MPRIP: variants seen among roughly 807,000 people sequenced by gnomAD.
The protein encoded by MPRIP is myosin phosphatase Rho-interacting protein.
MPRIP carries 59 observed loss-of-function variants against 234.9 expected under a neutral mutation model. That is an observed-to-expected ratio of 0.25 (90% CI 0.20 to 0.31). The LOEUF is 0.31. MPRIP is among the 10% of genes least tolerant of loss of function. The probability of loss-of-function intolerance (pLI) is 1.00; values close to 1 mark genes in which losing one functional copy is unlikely to be tolerated. For synonymous variants in MPRIP, 1,144 were observed against 1,263.9 expected (o/e 0.91, Z 2.01); for missense variants, 2,436 against 3,071.0 (o/e 0.79, Z 4.89).
In MPRIP at chr17:17,158,926, C is replaced by G; in HGVS notation, c.2324C>G (p.Ala775Gly). ...CGGGAAGAGAAGCAGGTGCCCATCGCCCCCGTCCACCTGTCTTCTGAAGAT... is the reference window on the plus strand; with the variant it reads ...CGGGAAGAGAAGCAGGTGCCCATCGGCCCCGTCCACCTGTCTTCTGAAGAT... ...PLREEKQVPI[A>G]PVHLSSEDGG... The change falls in exon 14 of 24, where the codon GCC becomes GGC. Residue 775 changes from alanine to glycine, a missense_variant. Physicochemically the swap from Ala to Gly is moderately conservative, Grantham distance 60 (BLOSUM62 0). Around this residue, in one of 4 missense-constraint regions of MPRIP, gnomAD observed 1,998 missense variants for 2,520.3 expected, o/e 0.79. Transcript: ENST00000651222. 6.2e-7 allele frequency: 1 copy of G among 1,612,718 alleles called. No homozygotes were observed. Among genetic ancestry groups the G allele is most frequent in the Non-Finnish European group, 8.5e-7 (1 of 1,179,952 alleles).
chr17:17,086,844 G>A (rs758160169), intron 3 of MPRIP, among the ~76,000 whole-genome samples: 5 of 152,134 alleles, frequency 3.3e-5, no homozygotes, highest in African/African-American at 9.7e-5. Context: ...CTGTACCTCC[G>A]TGGGAGCTTC....
chr17:17,045,849 A>G (rs1252843758), intron 1 of MPRIP, among the ~76,000 whole-genome samples: 1 of 142,848 alleles, frequency 7.0e-6, no homozygotes, highest in Non-Finnish European at 1.5e-5. Context: ...TCTGTTGCCC[A>G]GGCTGGTGTG....
intron 1 of MPRIP, among the ~76,000 whole-genome samples, chr17:17,056,880 T>C (rs763346492): frequency 3.9e-5 from 6 of 152,274 alleles, no homozygotes; most frequent in Admixed American, 1.3e-4. Context: ...ATACCATATG[T>C]GACCTTTTGT....
rs1239798234 is a variant in MPRIP at position 17,165,535 on chromosome 17, C to G, written c.3944C>G (p.Pro1315Arg). The G allele has an allele frequency of 4.6e-6, 6 of 1,304,380 alleles. No homozygotes were observed. The highest frequency in any genetic ancestry group is 1.5e-5 in the African/African-American group (1 of 65,884). 80.8% of individuals were successfully genotyped at this position (1,304,380 alleles called of 1,614,324 possible). ...QGTAKLDQGA[P>R]GVKRQRIRFS... The stretch of plus-strand genomic sequence containing the variant: ...ACAGCCAAACTCGACCAAGGGGCAC[C>G]TGGTGTTAAAAGGCAAAGAATCCGG... The change falls in exon 16 of 24, where the codon CCT becomes CGT. Residue 1315 changes from proline (P) to arginine (R), a missense_variant. Coordinates refer to ENST00000651222, the MANE Select transcript of MPRIP (RefSeq NM_001364716.4).
chr17:17,172,600 T>A, intron 17 of MPRIP, 98 bp from the exon 18 acceptor site: 1 of 860,696 alleles, frequency 1.2e-6, no homozygotes, highest in African/African-American at 1.7e-5. Context: ...GCATCAGCAG[T>A]GGCAGGCGCC....
intron 15 of MPRIP, among the ~76,000 whole-genome samples, chr17:17,161,970 G>T (rs561909447): frequency 6.6e-6 from 1 of 152,250 alleles, no homozygotes; most frequent in Non-Finnish European, 1.5e-5. Context: ...GCCCAAGGGC[G>T]TGCCTATGTC....
intron 3 of MPRIP, among the ~76,000 whole-genome samples, chr17:17,113,318 C>A (rs759560379): frequency 6.6e-6 from 1 of 152,206 alleles, no homozygotes; most frequent in South Asian, 2.1e-4. Flanking sequence ...AGTAGCTGTT[C>A]TCACCCTGGC....
chr17:17,160,397 G>A (rs1415164334), intron 14 of MPRIP, among the ~76,000 whole-genome samples: 1 of 152,152 alleles, frequency 6.6e-6, no homozygotes, highest in Non-Finnish European at 1.5e-5. Flanking sequence ...GGGTCTCCCC[G>A]CCTCTCACAG....
chr17:17,164,409 G>A lies in MPRIP; in HGVS notation c.2818G>A (p.Glu940Lys), dbSNP rs1265381791. The change falls in exon 16 of 24, where the codon GAG (glutamate) becomes AAG (lysine). Residue 940 changes from glutamate to lysine, a missense_variant. Glu to Lys is a moderately conservative substitution (Grantham distance 56). Coordinates refer to ENST00000651222, the MANE Select transcript of MPRIP (RefSeq NM_001364716.4). ...EQGRVREQLE[E>K]RQHSEAALSS... ...GGGCCGGGTCCGCGAGCAGCTGGAG[G>A]AGCGGCAACACAGCGAGGCGGCGCT... 1 of 1,284,780 alleles carries A rather than the reference G, an allele frequency of 7.8e-7. No homozygotes were observed. The highest frequency in any genetic ancestry group is 1.0e-6 in the Non-Finnish European group (1 of 983,814). 79.6% of individuals were successfully genotyped at this position (1,284,780 alleles called of 1,614,324 possible).
chr17:17,166,931 G>A lies in MPRIP; in HGVS notation c.5340G>A (p.Glu1780=). Reference sequence around the variant, plus strand: ...CTGGGGCCTTTGTTGCTATTCAGGAGGAGCTTGCCCAGCAGCTGAAGGAGA... The same window carrying A: ...CTGGGGCCTTTGTTGCTATTCAGGAAGAGCTTGCCCAGCAGCTGAAGGAGA... The part of the protein sequence containing the change: ...QSPGAFVAIQ[E]ELAQQLKEKA... The change falls in exon 16 of 24, where the codon GAG becomes GAA. Residue 1780 remains glutamate (E), a synonymous_variant. Transcript: ENST00000651222. The surrounding 1 kb of genome is among the most constrained non-coding windows in gnomAD (Gnocchi z 4.4). 1 of 1,304,230 alleles carries A rather than the reference G, an allele frequency of 7.7e-7. No individual in the cohort carries two copies. The highest frequency in any genetic ancestry group is 1.0e-6 in the Non-Finnish European group (1 of 988,952). The allele number at this position is 1,304,230 out of a possible 1,614,324, so 80.8% of individuals were successfully genotyped here.
intron 11 of MPRIP, chr17:17,149,925 G>A (rs2045562949): frequency 6.5e-6 from 3 of 459,046 alleles, no homozygotes; most frequent in Non-Finnish European, 1.2e-5. Flanking sequence ...GACCACTGGC[G>A]TGGACTATCT....
intron 6 of MPRIP, among the ~76,000 whole-genome samples, chr17:17,136,731 G>A (rs1324557466): frequency 2.0e-5 from 3 of 152,194 alleles, no homozygotes; most frequent in African/African-American, 7.2e-5. Flanking sequence ...AATCAAAAAC[G>A]TTTTGCAGCA....
At chr17:17,062,636 A>G (rs1248637932) in intron 1 of MPRIP, among the ~76,000 whole-genome samples, 1 of 152,266 alleles carries the variant, frequency 6.6e-6, no homozygotes, top group African/African-American at 2.4e-5. Context: ...AGGCCTGCGC[A>G]GGACAGGCCA....
chr17:17,117,712 T>G (rs578178467), intron 3 of MPRIP, among the ~76,000 whole-genome samples: 12 of 152,388 alleles, frequency 7.9e-5, no homozygotes, highest in Admixed American at 7.2e-4. Flanking sequence ...TCTGTTCTTT[T>G]GGGTATATAT....
chr17:17,072,023 T>C (rs954232151), intron 1 of MPRIP, among the ~76,000 whole-genome samples: 3 of 152,198 alleles, frequency 2.0e-5, no homozygotes, highest in African/African-American at 4.8e-5. Context: ...CTGTCTGTTT[T>C]AGTGTCCCAG....
intron 13 of MPRIP, among the ~76,000 whole-genome samples, chr17:17,156,944 C>T (rs1010411345): frequency 6.6e-6 from 1 of 152,210 alleles, no homozygotes. Flanking sequence ...TTCCTTGGTT[C>T]TCTCTCTAAA....
At chr17:17,177,181 G>T in intron 21 of MPRIP, 69 bp from the exon 22 acceptor site, 1 of 1,481,136 alleles carries the variant, frequency 6.8e-7, no homozygotes, top group Non-Finnish European at 9.3e-7. Context: ...TCCCCAGGAA[G>T]ACAGGCCATG....
intron 12 of MPRIP, among the ~76,000 whole-genome samples, chr17:17,151,569 A>ACATGGCC (rs1225769572): frequency 2.6e-5 from 4 of 152,168 alleles, no homozygotes; most frequent in African/African-American, 9.7e-5. Context: ...GGCTACTTTC[A>ACATGGCC]CATGGCCCAA....
At chr17:17,162,345 A>G (rs1191237645) in intron 15 of MPRIP, among the ~76,000 whole-genome samples, 4 of 152,222 alleles carry the variant, frequency 2.6e-5, no homozygotes, top group Non-Finnish European at 5.9e-5. Context: ...CTACATTTGC[A>G]GACCGCAGTG....
Sources: allele counts gnomAD v4.1 joint callset (sites outside exome capture counted in the v4.1 genomes callset), GRCh38; gene constraint gnomAD v4.1.1; regional missense constraint gnomAD v4.1.1; non-coding constraint Gnocchi (gnomAD v3.1); transcripts MANE v1.5; gene names NCBI Gene and HGNC (gene_info 2026-07-23, HGNC 2026-07-21).